The following NKAIN3 variants were observed in gnomAD, a reference collection of about 807,000 sequenced individuals.
NKAIN3 encodes the protein sodium/potassium transporting ATPase interacting 3.
A neutral mutation model predicts 30.2 loss-of-function variants in NKAIN3; 25 were observed. The ratio of observed to expected loss-of-function variants is 0.83; its 90% CI spans 0.60 to 1.16. The LOEUF is 1.16. Among genes scored for constraint, NKAIN3 ranks in the 50% most tolerant of loss-of-function variants. The pLI, the probability that NKAIN3 is intolerant of heterozygous loss-of-function variation, is 0.00. For missense variants in NKAIN3, 225 were observed against 254.1 expected (o/e 0.89, Z 0.78); for synonymous variants, 91 against 89.6 (o/e 1.02, Z -0.09).
chr8:62,732,635 G>A (rs966464163), intron 3 of NKAIN3, among the ~76,000 whole-genome samples: 2 of 151,982 alleles, frequency 1.3e-5, no homozygotes, highest in Admixed American at 1.3e-4. Context: ...AATATTGATG[G>A]TGGACTTGAC....
intron 1 of NKAIN3, among the ~76,000 whole-genome samples, chr8:62,367,754 A>G (rs1739867025): frequency 6.6e-6 from 1 of 152,144 alleles, no homozygotes; most frequent in African/African-American, 2.4e-5. Flanking sequence ...GTTAGGCAAG[A>G]GAGAGAAATA....
intron 1 of NKAIN3, among the ~76,000 whole-genome samples, chr8:62,352,298 T>A (rs1267762649): frequency 6.6e-6 from 1 of 152,194 alleles, no homozygotes. Context: ...CTCAGCACTC[T>A]GATCAAGATC....
intron 1 of NKAIN3, among the ~76,000 whole-genome samples, chr8:62,362,001 C>T (rs1816580629): frequency 6.6e-6 from 1 of 152,198 alleles, no homozygotes; most frequent in African/African-American, 2.4e-5. Flanking sequence ...ACATTCTCTG[C>T]TACCTCTCTG....
intron 5 of NKAIN3, among the ~76,000 whole-genome samples, chr8:62,922,118 T>C (rs181407427): frequency 1.8e-4 from 27 of 152,344 alleles, no homozygotes; most frequent in Admixed American, 3.9e-4. Flanking sequence ...GTGGGTTCAA[T>C]ATTTTACATT....
At chr8:62,511,304 T>C (rs1370182310) in intron 1 of NKAIN3, among the ~76,000 whole-genome samples, 2 of 152,130 alleles carry the variant, frequency 1.3e-5, no homozygotes, top group Non-Finnish European at 2.9e-5. Context: ...TCAGTGCCTC[T>C]CTTCATGCTC....
intron 4 of NKAIN3, among the ~76,000 whole-genome samples, chr8:62,843,173 T>C (rs1819580182): frequency 6.6e-6 from 1 of 152,032 alleles, no homozygotes; most frequent in East Asian, 1.9e-4. Flanking sequence ...AGTTGTTGGT[T>C]GTTGCTGGCT....
At chr8:62,589,928 A>C (rs1810602265) in intron 3 of NKAIN3, 134 bp downstream of exon 3, 1 of 467,418 alleles carries the variant, frequency 2.1e-6, no homozygotes, top group African/African-American at 2.1e-5. Context: ...TAGAATGATA[A>C]AATACTATTC....
At chr8:62,639,278 G>C (rs1248631790) in intron 3 of NKAIN3, among the ~76,000 whole-genome samples, 2 of 152,160 alleles carry the variant, frequency 1.3e-5, no homozygotes, top group Admixed American at 6.5e-5. Flanking sequence ...AGAGAAGAAA[G>C]TAATTCCAGA....
intron 4 of NKAIN3, among the ~76,000 whole-genome samples, chr8:62,886,837 C>G (rs1048733266): frequency 2.0e-5 from 3 of 152,114 alleles, no homozygotes; most frequent in Middle Eastern, 3.2e-3. Context: ...CCCCGACAGA[C>G]CCCAGTGTGT....
intron 6 of NKAIN3, among the ~76,000 whole-genome samples, chr8:62,957,122 C>T (rs565129375): frequency 1.4e-5 from 2 of 146,246 alleles, no homozygotes; most frequent in African/African-American, 5.2e-5. Flanking sequence ...AACTTACACA[C>T]CGATATTTAT....
intron 3 of NKAIN3, among the ~76,000 whole-genome samples, chr8:62,594,114 G>A (rs1585988052): frequency 6.6e-6 from 1 of 151,842 alleles, no homozygotes; most frequent in Non-Finnish European, 1.5e-5. Context: ...TTATTTCCCT[G>A]CTTGGAGTTT....
chr8:62,259,167 A>G (rs1443076015), intron 1 of NKAIN3, among the ~76,000 whole-genome samples: 1 of 152,226 alleles, frequency 6.6e-6, no homozygotes, highest in African/African-American at 2.4e-5. Context: ...AAAGCTGATT[A>G]ATGTGGAAGT....
intron 3 of NKAIN3, among the ~76,000 whole-genome samples, chr8:62,633,167 C>A (rs1812021420): frequency 6.6e-6 from 1 of 152,126 alleles, no homozygotes; most frequent in East Asian, 1.9e-4. Flanking sequence ...TCAGTTTCTA[C>A]ATCTGTAAAA....
At chr8:62,683,676 G>A (rs1195397311) in intron 3 of NKAIN3, among the ~76,000 whole-genome samples, 1 of 152,074 alleles carries the variant, frequency 6.6e-6, no homozygotes, top group Non-Finnish European at 1.5e-5. Flanking sequence ...GTCACTTAGA[G>A]TTCTTAAAAC....
chr8:62,986,349 T>C (rs139206785), downstream of NKAIN3, among the ~76,000 whole-genome samples: 1 of 152,210 alleles, frequency 6.6e-6, no homozygotes, highest in African/African-American at 2.4e-5. Context: ...AGAACAGTGA[T>C]AAGTGAAAAT....
At chr8:62,329,181 C>T (rs1815251263) in intron 1 of NKAIN3, among the ~76,000 whole-genome samples, 1 of 151,908 alleles carries the variant, frequency 6.6e-6, no homozygotes, top group African/African-American at 2.4e-5. Context: ...CATCAGTGGC[C>T]TTGAGCCAGC....
intron 1 of NKAIN3, among the ~76,000 whole-genome samples, chr8:62,571,860 C>T (rs1809951599): frequency 6.6e-6 from 1 of 152,118 alleles, no homozygotes; most frequent in South Asian, 2.1e-4. Flanking sequence ...CCCTAGGCTG[C>T]ACACAGCATA....
At chr8:62,315,059 A>C (rs1286054232) in intron 1 of NKAIN3, among the ~76,000 whole-genome samples, 1 of 152,178 alleles carries the variant, frequency 6.6e-6, no homozygotes, top group Admixed American at 6.6e-5. Flanking sequence ...GCAAAGGAAG[A>C]CTTAATAGAT....
intron 1 of NKAIN3, among the ~76,000 whole-genome samples, chr8:62,268,784 C>T (rs377097010): frequency 4.6e-5 from 7 of 152,058 alleles, no homozygotes; most frequent in Non-Finnish European, 8.8e-5. Flanking sequence ...AATGTCTATA[C>T]CCAGGTTCTC....
Sources: gnomAD v4.1 joint callset for allele counts (sites outside exome capture counted in the v4.1 genomes callset) on GRCh38, gnomAD v4.1.1 for gene constraint, MANE v1.5 for transcripts, NCBI Gene and HGNC (gene_info 2026-07-23, HGNC 2026-07-21) for gene names.